Variants in ZNF35 observed in about 807,000 individuals in gnomAD.
ZNF35 encodes the protein zinc finger protein 35 (clone HF.10).
ZNF35 carries 31 observed loss-of-function variants against 45.9 expected under a neutral mutation model. The observed-to-expected ratio is 0.68, with a 90% CI of 0.51 to 0.91. ZNF35 has a LOEUF of 0.91. Among genes scored for constraint, ZNF35 ranks in the 40% least tolerant of loss-of-function variants. ZNF35 has a pLI of 0.00. For missense variants in ZNF35, 515 were observed against 625.4 expected, an observed-to-expected ratio of 0.82 and a Z score of 1.88; for synonymous variants, 205 against 220.2, an observed-to-expected ratio of 0.93 and a Z score of 0.61.
chr3:44,659,328 C>T lies in ZNF35; in HGVS notation c.965C>T (p.Ala322Val), dbSNP rs779020451. The change falls in exon 4 of 4, where the codon GCT (alanine) becomes GTT (valine). Residue 322 changes from alanine (A) to valine (V), a missense_variant. This residue lies in a region of ZNF35 where 232 missense variants were observed against 304.6 expected (regional missense o/e 0.76). Coordinates refer to ENST00000396056, the MANE Select transcript of ZNF35 (RefSeq NM_003420.4). This position sits in a 1 kb window ranked among gnomAD's most constrained non-coding sequence, Gnocchi z 4.3. ...GCCTTTAGTTACAGCTCACAACTTG[C>T]TCGGCACCAGAAAGTCCACATTACG... is the stretch of plus-strand genomic sequence containing the variant. ...EKAFSYSSQL[A>V]RHQKVHITEK... 31 of 1,613,966 alleles carry T rather than the reference C, an allele frequency of 1.9e-5. No homozygotes were observed. Among genetic ancestry groups the T allele is most frequent in the Non-Finnish European group, 2.3e-5 (27 of 1,180,028 alleles).
At position 44,652,587 on chromosome 3, in the gene ZNF35, G is replaced by C. The variant is rs1220528448; in HGVS notation, c.223G>C (p.Val75Leu). 6.2e-7 allele frequency: 1 copy of C among 1,609,476 alleles called. No individual in the cohort carries two copies. The highest frequency in any genetic ancestry group is 1.7e-5 in the Admixed American group (1 of 59,220). ...GAACATATCCTGGGATATGGCGGTA[G>C]TCCTGAAAGCAACTCAGGAGGCACC... ...GQNISWDMAV[V>L]LKATQEAPAA... Residue 75 changes from valine (V) to leucine (L), a missense_variant, in exon 3 of 4, where the codon GTC becomes CTC. Physicochemically the swap from Val to Leu is conservative, Grantham distance 32 (BLOSUM62 1). Around this residue, in one of 3 missense-constraint regions of ZNF35, gnomAD observed 275 missense variants for 295.7 expected, o/e 0.93. Coordinates refer to ENST00000396056, the MANE Select transcript of ZNF35 (RefSeq NM_003420.4).
At position 44,659,685 on chromosome 3, in the gene ZNF35, G is replaced by C. The variant is rs1464566538; in HGVS notation, c.1322G>C (p.Ser441Thr). 1 of 1,614,194 alleles carries C rather than the reference G, an allele frequency of 6.2e-7. No homozygotes were observed. Among genetic ancestry groups the C allele is most frequent in the Non-Finnish European group, 8.5e-7 (1 of 1,180,032 alleles). Residue 441 changes from serine to threonine, a missense_variant, in exon 4 of 4, where the codon AGT becomes ACT. By Grantham distance (58) the Ser-to-Thr change is moderately conservative. Transcript: ENST00000396056. The surrounding 1 kb of genome is among the most constrained non-coding windows in gnomAD (Gnocchi z 4.3). The stretch of plus-strand genomic sequence containing the variant: ...CTTATTGTCCACCAGAGAATTCACA[G>C]TGGAGATCTTCCTTACGTGTGTAAT... ...SCLIVHQRIH[S>T]GDLPYVCNEC...
upstream of ZNF35, chr3:44,648,311 A>G (rs937703470): frequency 2.6e-5 from 4 of 152,198 alleles, no homozygotes; most frequent in Non-Finnish European, 5.9e-5. Context: ...GATGTTTACA[A>G]CTTTCAAAAA....
In ZNF35 at chr3:44,655,835, T is replaced by A. The variant is rs1703290873; in HGVS notation, c.338-2866T>A. On this transcript the variant is annotated intron_variant, in intron 3 of 3. Coordinates refer to ENST00000396056, the MANE Select transcript of ZNF35 (RefSeq NM_003420.4). ...CAGATAGAAGGAATTGTTTCCGTTA[T>A]TGGCTCTAATCAGTTTAGTAGTTCC... 2.0e-5 allele frequency among the ~76,000 whole-genome samples: 3 copies of A among 152,370 alleles called. No individual in the cohort carries two copies. In the East Asian group the frequency reaches 5.8e-4, roughly 29 times the overall value.
At chr3:44,657,500 T>C (rs1035304788) in intron 3 of ZNF35, among the ~76,000 whole-genome samples, 6 of 152,192 alleles carry the variant, frequency 3.9e-5, no homozygotes, top group African/African-American at 1.2e-4. Flanking sequence ...GGAAAGTGAG[T>C]GTGCAGAGGA....
intron 2 of ZNF35, among the ~76,000 whole-genome samples, chr3:44,652,207 GTAA>G (rs1018447122): frequency 7.0e-4 from 106 of 152,208 alleles, no homozygotes; most frequent in Non-Finnish European, 1.2e-4. Context: ...GAGCCTTTCT[GTAA>G]TAATATCATC....
chr3:44,653,237 T>G (rs559382826), intron 3 of ZNF35, among the ~76,000 whole-genome samples: 1 of 152,084 alleles, frequency 6.6e-6, no homozygotes, highest in African/African-American at 2.4e-5. Flanking sequence ...CGCATTCCAC[T>G]GAAAGGGGTG....
In ZNF35 at chr3:44,652,579, T is replaced by C. The variant is rs1437033775; in HGVS notation, c.215T>C (p.Met72Thr). Residue 72 changes from methionine (M) to threonine (T), a missense_variant, in exon 3 of 4, where the codon ATG (methionine) becomes ACG (threonine). Transcript: ENST00000396056. ...EEKGQNISWD[M>T]AVVLKATQEA... is the part of the protein sequence containing the mutation. ...TAGGGTCAGAACATATCCTGGGATATGGCGGTAGTCCTGAAAGCAACTCAG... is the reference window on the plus strand; with the variant it reads ...TAGGGTCAGAACATATCCTGGGATACGGCGGTAGTCCTGAAAGCAACTCAG... 5.0e-6 allele frequency: 8 copies of C among 1,608,174 alleles called. No homozygotes were observed. Among genetic ancestry groups the C allele is most frequent in the East Asian group, 2.2e-5 (1 of 44,692 alleles).
chr3:44,649,884 A>C (rs1243025185), intron 1 of ZNF35, among the ~76,000 whole-genome samples: 1 of 152,248 alleles, frequency 6.6e-6, no homozygotes, highest in Non-Finnish European at 1.5e-5. Flanking sequence ...GTATTGAAAG[A>C]TTGTTAAGAC....
At chr3:44,653,784 T>C (rs1324185716) in intron 3 of ZNF35, among the ~76,000 whole-genome samples, 4 of 152,152 alleles carry the variant, frequency 2.6e-5, no homozygotes, top group African/African-American at 9.7e-5. Flanking sequence ...AGGAGTGACA[T>C]ATAAGTGAGG....
upstream of ZNF35, chr3:44,647,139 A>G (rs1702998756): frequency 6.6e-6 from 1 of 152,244 alleles, no homozygotes; most frequent in Non-Finnish European, 1.5e-5. Flanking sequence ...TAACAGTAAT[A>G]AGTAAATACA....
In ZNF35 at chr3:44,654,821, A is replaced by G. The variant is rs563284048; in HGVS notation, c.337+2120A>G. Among the ~76,000 whole-genome samples, 6 of 152,316 alleles carry G rather than the reference A, an allele frequency of 3.9e-5. No homozygotes were observed. The East Asian group carries it at 1.2e-3, about 29-fold the overall frequency. On this transcript the variant is annotated intron_variant, in intron 3 of 3. Coordinates refer to ENST00000396056, the MANE Select transcript of ZNF35 (RefSeq NM_003420.4). Reference sequence around the variant, plus strand: ...TTAACTTATGTTCAGTTAAGCTTCAAATTTTACAGATTAAATTTTTTAAAC... The same window carrying G: ...TTAACTTATGTTCAGTTAAGCTTCAGATTTTACAGATTAAATTTTTTAAAC...
At chr3:44,647,390 T>G (rs148634973), upstream of ZNF35, 28 of 152,266 alleles carry the variant, frequency 1.8e-4, no homozygotes, top group Non-Finnish European at 3.5e-4. Context: ...GAATATAATT[T>G]GGCAGTTTCT....
chr3:44,650,358 T>G (rs1021965996), intron 1 of ZNF35, among the ~76,000 whole-genome samples: 1 of 152,110 alleles, frequency 6.6e-6, no homozygotes, highest in African/African-American at 2.4e-5. Context: ...CCATCCAGAG[T>G]TAACTACCCA....
Position 44,650,177 on chromosome 3 carries a change from C to T in ZNF35, c.-127-764C>T, listed in dbSNP as rs547684454. Among the ~76,000 whole-genome samples, 3 of 151,840 alleles carry T rather than the reference C, an allele frequency of 2.0e-5. 1 individual carries two copies. The highest frequency in any genetic ancestry group is 4.2e-4 in the South Asian group (2 of 4,806). Reference sequence around the variant, plus strand: ...AATGAGAGTGAAGATTTATCAACACCATAGGTTATTGTGTAGCATTTAAAA... The same window carrying T: ...AATGAGAGTGAAGATTTATCAACACTATAGGTTATTGTGTAGCATTTAAAA... On this transcript the variant is annotated intron_variant, in intron 1 of 3. Coordinates refer to ENST00000396056, the MANE Select transcript of ZNF35 (RefSeq NM_003420.4).
chr3:44,658,864 A>G lies in ZNF35; in HGVS notation c.501A>G (p.Ile167Met), dbSNP rs1344619427. ...EKGNMLKRQR[I>M]KREKKDFRQV... is the part of the protein sequence containing the mutation. ...GAAACATGTTAAAGAGGCAGAGAAT[A>G]AAGAGAGAAAAGAAAGATTTCAGAC... Residue 167 changes from isoleucine to methionine, a missense_variant, in exon 4 of 4, where the codon ATA becomes ATG. By Grantham distance (10) the Ile-to-Met change is conservative (BLOSUM62 1). Transcript: ENST00000396056. The G allele has an allele frequency of 3.1e-6, 5 of 1,613,088 alleles. No individual in the cohort carries two copies. Among genetic ancestry groups the G allele is most frequent in the Non-Finnish European group, 3.4e-6 (4 of 1,179,848 alleles).
chr3:44,655,114 A>T (rs1053802016), intron 3 of ZNF35, among the ~76,000 whole-genome samples: 1 of 152,200 alleles, frequency 6.6e-6, no homozygotes, highest in Non-Finnish European at 1.5e-5. Context: ...AGCCTGGGCA[A>T]TAGAGCAAGA....
Position 44,658,760 on chromosome 3 carries a change from G to A in ZNF35, c.397G>A (p.Glu133Lys), listed in dbSNP as rs748841468. 1.9e-6 allele frequency: 3 copies of A among 1,594,522 alleles called. No individual in the cohort carries two copies. The highest frequency in any genetic ancestry group is 2.6e-6 in the Non-Finnish European group (3 of 1,175,602). The change falls in exon 4 of 4, where the codon GAA becomes AAA. Residue 133 changes from glutamate (E) to lysine (K), a missense_variant. Coordinates refer to ENST00000396056, the MANE Select transcript of ZNF35 (RefSeq NM_003420.4). ...VPKTEICEEA[E>K]KPLIISERIQ... Reference sequence around the variant, plus strand: ...AAAAACTGAGATATGTGAGGAAGCTGAAAAACCCCTCATCATATCAGAAAG... The same window carrying A: ...AAAAACTGAGATATGTGAGGAAGCTAAAAAACCCCTCATCATATCAGAAAG...
upstream of ZNF35, chr3:44,647,362 A>G (rs1338225364): frequency 6.6e-6 from 1 of 152,150 alleles, no homozygotes; most frequent in African/African-American, 2.4e-5. Flanking sequence ...GGGAATGTAA[A>G]ATGGTACAGC....
Sources: gnomAD v4.1 joint callset for allele counts (sites outside exome capture counted in the v4.1 genomes callset) on GRCh38, gnomAD v4.1.1 for gene constraint, gnomAD v4.1.1 regional missense constraint, Gnocchi (gnomAD v3.1) non-coding constraint, MANE v1.5 for transcripts, NCBI Gene and HGNC (gene_info 2026-07-23, HGNC 2026-07-21) for gene names.